The following CCDC73 variants were observed in gnomAD, a reference collection of about 807,000 sequenced individuals.
CCDC73 encodes the protein coiled-coil domain-containing protein 73.
Under a neutral mutation model 116.5 loss-of-function variants are expected in CCDC73, and 95 were observed. The ratio of observed to expected loss-of-function variants is 0.82; its 90% CI spans 0.69 to 0.97. The LOEUF (loss-of-function observed/expected upper bound fraction) is 0.97, where lower values mean the gene tolerates loss of function less well. CCDC73 is among the 50% of genes least tolerant of loss of function. CCDC73 has a pLI of 0.00. For missense variants in CCDC73, 1,066 were observed against 1,206.8 expected, an observed-to-expected ratio of 0.88 and a Z score of 1.73; for synonymous variants, 398 against 401.3, an observed-to-expected ratio of 0.99 and a Z score of 0.10.
At chr11:32,607,851 G>C (rs1855375937) in intron 17 of CCDC73, among the ~76,000 whole-genome samples, 1 of 152,176 alleles carries the variant, frequency 6.6e-6, no homozygotes, top group South Asian at 2.1e-4. Context: ...AGTTTCACAT[G>C]ACTGGGGAGG....
At chr11:32,606,806 CTTTT>C (rs10591021) in intron 17 of CCDC73, among the ~76,000 whole-genome samples, 1,548 of 101,106 alleles carry the variant, frequency 0.015, 4 homozygotes, top group Non-Finnish European at 0.02. Context: ...AAAATAAATT[CTTTT>C]TTTTTTTTTT....
At chr11:32,723,986 A>T (rs11031950) in intron 2 of CCDC73, among the ~76,000 whole-genome samples, 49 of 152,140 alleles carry the variant, frequency 3.2e-4, no homozygotes, top group African/African-American at 1.2e-3. Flanking sequence ...ATAAAATCCT[A>T]CTCTAGTACA....
chr11:32,830,210 G>T, the CCDC73 span: 2 of 1,083,652 alleles, frequency 1.8e-6, no homozygotes, highest in African/African-American at 1.6e-5. Flanking sequence ...GCGGGGAGGG[G>T]GTTACCTGGA....
intron 14 of CCDC73, among the ~76,000 whole-genome samples, chr11:32,623,673 G>A (rs1855543237): frequency 4.6e-5 from 7 of 152,084 alleles, no homozygotes; most frequent in Admixed American, 4.6e-4. Context: ...CTATGTTGAA[G>A]GATGAATGGG....
intron 12 of CCDC73, among the ~76,000 whole-genome samples, chr11:32,648,419 A>G (rs974404269): frequency 2.6e-5 from 4 of 152,226 alleles, no homozygotes; most frequent in African/African-American, 9.6e-5. Flanking sequence ...CTAAACTTAG[A>G]AAGACTATGA....
chr11:32,683,402 T>A (rs1702921180), intron 7 of CCDC73, 134 bp downstream of exon 7: 2 of 668,990 alleles, frequency 3.0e-6, no homozygotes, highest in Non-Finnish European at 5.5e-6. Context: ...TCCCCTTTCA[T>A]ATTACTGGAG....
chr11:32,723,868 T>C (rs1423645295), intron 2 of CCDC73, among the ~76,000 whole-genome samples: 1 of 152,098 alleles, frequency 6.6e-6, no homozygotes, highest in Non-Finnish European at 1.5e-5. Flanking sequence ...CTCATTGACA[T>C]TTAATAAGAA....
At chr11:32,743,624 T>C (rs1850209014) in intron 2 of CCDC73, among the ~76,000 whole-genome samples, 1 of 152,210 alleles carries the variant, frequency 6.6e-6, no homozygotes, top group Non-Finnish European at 1.5e-5. Context: ...GTCCTTCACA[T>C]CCCTTGTAAG....
intron 2 of CCDC73, among the ~76,000 whole-genome samples, chr11:32,755,842 CATAT>C (rs1284073788): frequency 1.6e-5 from 2 of 122,672 alleles, no homozygotes; most frequent in Non-Finnish European, 3.3e-5. Context: ...TATATATCTC[CATAT>C]ATATGTGTGT....
intron 2 of CCDC73, among the ~76,000 whole-genome samples, chr11:32,753,830 T>G (rs1021398284): frequency 2.6e-5 from 4 of 152,012 alleles, no homozygotes; most frequent in African/African-American, 9.7e-5. Context: ...CAGGTTGTTT[T>G]CAAACTTCTG....
intron 15 of CCDC73, 93 bp downstream of exon 15, chr11:32,615,847 T>A (rs1256884345): frequency 8.7e-7 from 1 of 1,148,908 alleles, no homozygotes; most frequent in African/African-American, 1.6e-5. Context: ...GAATAAGTCA[T>A]GAAGAGGGGA....
In CCDC73 at chr11:32,788,989, ATTG is replaced by A. The variant is rs561602035; in HGVS notation, c.-16+5621_-16+5623del. ...ATGCTAAACTAAGTTTAATTTTTAT[ATTG>A]TTAACTTTTAAACATACTATCCCAT... On this transcript the variant is annotated intron_variant, in intron 1 of 17. Coordinates refer to ENST00000335185, the MANE Select transcript of CCDC73 (RefSeq NM_001008391.4). Among the ~76,000 whole-genome samples the A allele has an allele frequency of 5.1e-4, 77 of 152,344 alleles. 2 individuals carry two copies. In the South Asian group the frequency reaches 0.015, roughly 30 times the overall value.
chr11:32,742,023 G>A (rs1239780632), intron 2 of CCDC73, among the ~76,000 whole-genome samples: 1 of 152,114 alleles, frequency 6.6e-6, no homozygotes, highest in South Asian at 2.1e-4. Context: ...ATTCCATGGT[G>A]TATATGTGCC....
At chr11:32,813,593 T>G in the CCDC73 span, among the ~76,000 whole-genome samples, 1 of 152,196 alleles carries the variant, frequency 6.6e-6, no homozygotes, top group African/African-American at 2.4e-5. Flanking sequence ...AAATTTATTT[T>G]TATATATCAT....
intron 8 of CCDC73, 27 bp downstream of exon 8, chr11:32,675,859 T>C (rs1399219082): frequency 5.9e-6 from 9 of 1,534,136 alleles, no homozygotes; most frequent in Non-Finnish European, 8.0e-6. Flanking sequence ...CTACTGAATA[T>C]GTATATTTAA....
intron 1 of CCDC73, among the ~76,000 whole-genome samples, chr11:32,767,662 G>A (rs1850455362): frequency 6.6e-6 from 1 of 152,092 alleles, no homozygotes; most frequent in South Asian, 2.1e-4. Context: ...GTGGGCAAAG[G>A]ATATGAACAG....
At chr11:32,702,033 G>A (rs1263455757) in intron 4 of CCDC73, among the ~76,000 whole-genome samples, 1 of 152,110 alleles carries the variant, frequency 6.6e-6, no homozygotes, top group Non-Finnish European at 1.5e-5. Flanking sequence ...CTACACTTTT[G>A]GCTTTTGCTT....
At chr11:32,631,208 G>A (rs990308381) in intron 14 of CCDC73, among the ~76,000 whole-genome samples, 11 of 152,164 alleles carry the variant, frequency 7.2e-5, no homozygotes, top group Non-Finnish European at 1.3e-4. Context: ...TAAGGATAGA[G>A]AAGACTTGGA....
chr11:32,703,078 T>G lies in CCDC73; in HGVS notation c.208-134A>C. 3 of 679,312 alleles carry G rather than the reference T, an allele frequency of 4.4e-6. No homozygotes were observed. In the South Asian group the frequency reaches 5.1e-5, roughly 11 times the overall value. The allele number at this position is 679,312 out of a possible 1,614,324, so 42.1% of individuals were successfully genotyped here. On this transcript the variant is annotated intron_variant, in intron 3 of 17. Transcript: ENST00000335185. ...TTATTTTGTGTTCCTGGAATGCAAC[T>G]TTAAACCAATTTTATGATTATTTTT...
Sources: gnomAD v4.1 joint callset for allele counts (sites outside exome capture counted in the v4.1 genomes callset) on GRCh38, gnomAD v4.1.1 for gene constraint, MANE v1.5 for transcripts, NCBI Gene and HGNC (gene_info 2026-07-23, HGNC 2026-07-21) for gene names.